Variants in IGF2BP3 observed in about 807,000 individuals in gnomAD.
IGF2BP3 encodes the protein insulin-like growth factor 2 mRNA-binding protein 3.
Under a neutral mutation model 73.8 loss-of-function variants are expected in IGF2BP3, and 9 were observed. That is an observed-to-expected ratio of 0.12 (90% CI 0.07 to 0.21). The LOEUF is 0.21. Ranked by LOEUF, IGF2BP3 falls within the 10% of genes least tolerant of loss-of-function variation. The pLI is 1.00. For missense variants in IGF2BP3, 542 were observed against 714.0 expected (o/e 0.76, Z 2.75); for synonymous variants, 258 against 256.7 (o/e 1.01, Z -0.05).
chr7:23,370,341 G>T (rs1448307971), intron 3 of IGF2BP3, among the ~76,000 whole-genome samples: 2 of 152,138 alleles, frequency 1.3e-5, no homozygotes, highest in Non-Finnish European at 2.9e-5. Flanking sequence ...TGCTTAAGCT[G>T]GCAGGTAATT....
intron 12 of IGF2BP3, among the ~76,000 whole-genome samples, chr7:23,316,255 G>A (rs994878550): frequency 6.6e-6 from 1 of 152,110 alleles, no homozygotes. Context: ...TGGGTTTTTA[G>A]TGAAAAAATG....
At chr7:23,360,943 T>A (rs1451842044) in intron 5 of IGF2BP3, among the ~76,000 whole-genome samples, 5 of 152,242 alleles carry the variant, frequency 3.3e-5, no homozygotes, top group Non-Finnish European at 7.3e-5. Flanking sequence ...GCTCAGTTTA[T>A]TAGATCTTTT....
chr7:23,456,290 C>T (rs1410467041), intron 2 of IGF2BP3, among the ~76,000 whole-genome samples: 1 of 151,226 alleles, frequency 6.6e-6, no homozygotes, highest in East Asian at 1.9e-4. Flanking sequence ...GTTTTTTTAA[C>T]CACTATTACC....
At chr7:23,349,431 G>T (rs970773453) in intron 6 of IGF2BP3, among the ~76,000 whole-genome samples, 1 of 152,174 alleles carries the variant, frequency 6.6e-6, no homozygotes, top group African/African-American at 2.4e-5. Context: ...TTAGATAACA[G>T]TCCCAATCTT....
chr7:23,365,603 G>C (rs1785349522), intron 3 of IGF2BP3: 1 of 152,110 alleles, frequency 6.6e-6, no homozygotes, highest in Admixed American at 6.5e-5. Flanking sequence ...TCCTTTCCAA[G>C]TTAGGCCTGG....
chr7:23,319,318 T>C (rs145701169), intron 10 of IGF2BP3, 64 bp from the exon 11 acceptor site: 1 of 1,068,240 alleles, frequency 9.4e-7, no homozygotes, highest in East Asian at 2.4e-5. Flanking sequence ...TTGTTAACAT[T>C]AGCTTTAGGA....
intron 2 of IGF2BP3, chr7:23,450,835 G>C (rs890316504): frequency 6.6e-6 from 1 of 152,160 alleles, no homozygotes. Context: ...AAGCCCAGGA[G>C]ATCAAGACCA....
chr7:23,423,481 T>G lies in IGF2BP3; in HGVS notation c.237-4657A>C, dbSNP rs370746468. On this transcript the variant is annotated intron_variant, in intron 2 of 14. Coordinates refer to ENST00000258729, the MANE Select transcript of IGF2BP3 (RefSeq NM_006547.3). ...CCAAGTCATTAAAGTTCAATATAAC[T>G]ATCAGAAAATAAATTAGCATTTCAC... Among the ~76,000 whole-genome samples, 24 of 152,360 alleles carry G rather than the reference T, an allele frequency of 1.6e-4. 1 individual carries two copies. Among genetic ancestry groups the G allele is most frequent in the Admixed American group, 9.8e-4 (15 of 15,302 alleles).
intron 11 of IGF2BP3, among the ~76,000 whole-genome samples, chr7:23,318,394 A>AC (rs747897410): frequency 6.8e-6 from 1 of 147,632 alleles, no homozygotes; most frequent in East Asian, 2.0e-4. Context: ...GGCTAATTAC[A>AC]CTTTTTTTTT....
chr7:23,338,530 A>T (rs747765620), intron 10 of IGF2BP3, among the ~76,000 whole-genome samples: 7 of 151,744 alleles, frequency 4.6e-5, no homozygotes, highest in Non-Finnish European at 1.0e-4. Context: ...GTAGCATAAA[A>T]CTCCTGATGA....
intron 2 of IGF2BP3, among the ~76,000 whole-genome samples, chr7:23,456,865 T>C (rs962633779): frequency 2.0e-5 from 3 of 151,558 alleles, no homozygotes; most frequent in Non-Finnish European, 2.9e-5. Context: ...GGCCAACCAA[T>C]ATGGTGAACC....
intron 2 of IGF2BP3, among the ~76,000 whole-genome samples, chr7:23,454,627 A>G (rs1788274431): frequency 6.6e-6 from 1 of 152,182 alleles, no homozygotes; most frequent in Non-Finnish European, 1.5e-5. Context: ...AAAAACAGAA[A>G]TCTCAGAGTT....
At chr7:23,383,924 A>AT (rs1434214370) in intron 3 of IGF2BP3, among the ~76,000 whole-genome samples, 1 of 151,912 alleles carries the variant, frequency 6.6e-6, no homozygotes, top group East Asian at 1.9e-4. Flanking sequence ...GTGAGACCCC[A>AT]TCTCTACTAA....
intron 8 of IGF2BP3, among the ~76,000 whole-genome samples, chr7:23,344,170 A>G (rs1784778088): frequency 6.6e-6 from 1 of 152,268 alleles, no homozygotes; most frequent in Non-Finnish European, 1.5e-5. Context: ...ACAATTGAAC[A>G]GTGAATTAAA....
In IGF2BP3 at chr7:23,469,518, G is replaced by A. The variant is rs1788655864; in HGVS notation, c.175+418C>T. On this transcript the variant is annotated intron_variant, in intron 1 of 14. Transcript: ENST00000258729. This position sits in a 1 kb window ranked among gnomAD's most constrained non-coding sequence, Gnocchi z 6.1. The stretch of plus-strand genomic sequence containing the variant: ...GCCGGGGGTTTCGGGGCGCAGCACA[G>A]ACAGCGCCGTAAATAACGACCGAGG... The A allele has an allele frequency of 3.3e-5, 5 of 152,536 alleles. No homozygotes were observed. Among genetic ancestry groups the A allele is most frequent in the Admixed American group, 3.3e-4 (5 of 15,298 alleles). 9.4% of individuals were successfully genotyped at this position (152,536 alleles called of 1,614,324 possible). A position where few individuals can be genotyped will look rare whatever the true frequency, so the allele number is the denominator to read the frequency against.
chr7:23,394,853 T>G (rs1258855903), intron 3 of IGF2BP3, among the ~76,000 whole-genome samples: 1 of 152,238 alleles, frequency 6.6e-6, no homozygotes, highest in Non-Finnish European at 1.5e-5. Context: ...CCATGTCCTT[T>G]ATGGGAAAGA....
intron 2 of IGF2BP3, among the ~76,000 whole-genome samples, chr7:23,449,867 C>T (rs536417697): frequency 6.6e-6 from 1 of 152,132 alleles, no homozygotes; most frequent in Non-Finnish European, 1.5e-5. Context: ...ACCCAGCCAC[C>T]TGATCTAATT....
At chr7:23,328,805 C>G (rs1784369286) in intron 10 of IGF2BP3, among the ~76,000 whole-genome samples, 1 of 152,158 alleles carries the variant, frequency 6.6e-6, no homozygotes, top group Non-Finnish European at 1.5e-5. Flanking sequence ...GTACTTCGTT[C>G]TTTCAAGCCA....
chr7:23,340,630 C>T (rs908222030), intron 10 of IGF2BP3, among the ~76,000 whole-genome samples: 1 of 152,026 alleles, frequency 6.6e-6, no homozygotes, highest in African/African-American at 2.4e-5. Flanking sequence ...GGAGAGATGT[C>T]AAAACAAATT....
Sources: allele counts gnomAD v4.1 joint callset (sites outside exome capture counted in the v4.1 genomes callset), GRCh38; gene constraint gnomAD v4.1.1; non-coding constraint Gnocchi (gnomAD v3.1); transcripts MANE v1.5; gene names NCBI Gene and HGNC (gene_info 2026-07-23, HGNC 2026-07-21).